MCTP2: variants seen among roughly 807,000 people sequenced by gnomAD.
The protein encoded by MCTP2 is multiple C2 and transmembrane domain-containing protein 2.
Under a neutral mutation model 111.6 loss-of-function variants are expected in MCTP2, and 132 were observed. The ratio of observed to expected loss-of-function variants is 1.18; its 90% CI spans 1.03 to 1.37. The LOEUF (loss-of-function observed/expected upper bound fraction) is 1.37, where lower values mean the gene tolerates loss of function less well. Among genes scored for constraint, MCTP2 ranks in the 40% most tolerant of loss-of-function variants. The pLI, the probability that MCTP2 is intolerant of heterozygous loss-of-function variation, is 0.00. For missense variants in MCTP2, 1,183 were observed against 1,067.9 expected, an observed-to-expected ratio of 1.11 and a Z score of -1.50; for synonymous variants, 395 against 387.7, an observed-to-expected ratio of 1.02 and a Z score of -0.22.
intron 2 of MCTP2, among the ~76,000 whole-genome samples, chr15:94,305,780 G>C (rs918815631): frequency 7.9e-5 from 12 of 152,178 alleles, no homozygotes; most frequent in African/African-American, 2.7e-4. Context: ...TACGTGGGTA[G>C]GGCCCTAAAG....
chr15:94,359,174 A>G (rs566742966), intron 10 of MCTP2, among the ~76,000 whole-genome samples: 2 of 152,312 alleles, frequency 1.3e-5, no homozygotes, highest in South Asian at 4.1e-4. Flanking sequence ...GAAATGAGGC[A>G]GCATAGGTGC....
chr15:94,243,306 CATACGTATGCGT>C (rs1567250856), intron 1 of MCTP2, among the ~76,000 whole-genome samples: 1,147 of 109,776 alleles, frequency 0.01, 32 homozygotes, highest in South Asian at 0.025. Flanking sequence ...TATATACATA[CATACGTATGCGT>C]ACATACGTAT....
At chr15:94,316,273 G>C (rs1245816760) in intron 4 of MCTP2, among the ~76,000 whole-genome samples, 1 of 151,862 alleles carries the variant, frequency 6.6e-6, no homozygotes, top group East Asian at 1.9e-4. Flanking sequence ...ATAATGTTTT[G>C]TTTATCTATT....
chr15:94,337,337 G>T (rs1430925749), intron 4 of MCTP2, among the ~76,000 whole-genome samples: 1 of 152,096 alleles, frequency 6.6e-6, no homozygotes, highest in Non-Finnish European at 1.5e-5. Context: ...CAAGATGCCT[G>T]GGGATTACCC....
chr15:94,367,293 TTTTC>T (rs1164766109), intron 10 of MCTP2, among the ~76,000 whole-genome samples: 1 of 152,152 alleles, frequency 6.6e-6, no homozygotes, highest in Non-Finnish European at 1.5e-5. Context: ...CTTTCAAACT[TTTTC>T]TTTCTAATTT....
chr15:94,278,972 C>T (rs963497193), intron 1 of MCTP2, among the ~76,000 whole-genome samples: 1 of 152,122 alleles, frequency 6.6e-6, no homozygotes, highest in South Asian at 2.1e-4. Context: ...TTCCATTGGT[C>T]TGTGTGTCTG....
chr15:94,289,279 G>A (rs568871561), intron 1 of MCTP2, among the ~76,000 whole-genome samples: 3 of 152,344 alleles, frequency 2.0e-5, no homozygotes, highest in African/African-American at 7.2e-5. Context: ...TCAAATGGCT[G>A]AGATTTCTCA....
intron 14 of MCTP2, among the ~76,000 whole-genome samples, chr15:94,397,686 A>G (rs1260595454): frequency 6.6e-6 from 1 of 152,176 alleles, no homozygotes; most frequent in Non-Finnish European, 1.5e-5. Context: ...TCCCTTGTAA[A>G]GTGGAATTGC....
intron 17 of MCTP2, chr15:94,402,702 A>G: frequency 1.4e-6 from 2 of 1,463,734 alleles, no homozygotes; most frequent in Non-Finnish European, 1.8e-6. Flanking sequence ...TCTCATTTGT[A>G]AAGGGACTTG....
At chr15:94,346,063 A>G (rs936432801) in intron 8 of MCTP2, among the ~76,000 whole-genome samples, 6 of 152,120 alleles carry the variant, frequency 3.9e-5, no homozygotes, top group African/African-American at 1.4e-4. Flanking sequence ...ATTTCTCTAC[A>G]TAATAAGGAG....
At chr15:94,250,666 G>A (rs566547572) in intron 1 of MCTP2, among the ~76,000 whole-genome samples, 2 of 152,250 alleles carry the variant, frequency 1.3e-5, no homozygotes, top group East Asian at 3.9e-4. Flanking sequence ...GAAATGACAT[G>A]AGCTGTGCAA....
chr15:94,251,250 G>A (rs551944262), intron 1 of MCTP2, among the ~76,000 whole-genome samples: 19 of 152,234 alleles, frequency 1.2e-4, no homozygotes, highest in African/African-American at 3.1e-4. Flanking sequence ...TCCTTAAAAT[G>A]TGTCAGTTTC....
intron 15 of MCTP2, 121 bp downstream of exon 15, chr15:94,399,183 A>T (rs1192748063): frequency 1.6e-6 from 1 of 623,774 alleles, no homozygotes; most frequent in Non-Finnish European, 2.9e-6. Context: ...GAGAGGAAAG[A>T]ATAGTGTTTT....
chr15:94,388,321 G>A (rs1280253659), intron 14 of MCTP2, among the ~76,000 whole-genome samples: 1 of 152,180 alleles, frequency 6.6e-6, no homozygotes. Context: ...TTCGGCTGCT[G>A]CTGTTCACTC....
chr15:94,434,839 C>CTCTT (rs763899239), intron 17 of MCTP2, among the ~76,000 whole-genome samples: 45 of 149,068 alleles, frequency 3.0e-4, no homozygotes, highest in East Asian at 3.9e-4. Flanking sequence ...TTTGCATTTT[C>CTCTT]TCTTTCTTTC....
intron 2 of MCTP2, among the ~76,000 whole-genome samples, chr15:94,303,530 G>C (rs294547): frequency 6.6e-6 from 1 of 151,784 alleles, no homozygotes; most frequent in Non-Finnish European, 1.5e-5. Context: ...TATATCCTTC[G>C]GTCTAATCAA....
At chr15:94,449,008 C>G (rs1470724464) in intron 19 of MCTP2, among the ~76,000 whole-genome samples, 1 of 152,140 alleles carries the variant, frequency 6.6e-6, no homozygotes, top group Non-Finnish European at 1.5e-5. Context: ...CCACTGAATT[C>G]CAGCCTGGCG....
Position 94,356,293 on chromosome 15 carries a change from A to G in MCTP2, c.1162A>G (p.Lys388Glu), listed in dbSNP as rs1159832004. 10 of 1,603,416 alleles carry G rather than the reference A, an allele frequency of 6.2e-6. No homozygotes were observed. The East Asian group carries it at 2.0e-4, about 32-fold the overall frequency. ...GTTAAAACTGGGAGATCAGAGGTAT[A>G]AAAGTAAGGTAAGTTCCATCTTTTC... is the stretch of plus-strand genomic sequence containing the variant. ...VQLKLGDQRY[K>E]SKTLCKSANP... The change falls in exon 9 of 23, where the codon AAA becomes GAA. Residue 388 changes from lysine (K) to glutamate (E), a missense_variant. Coordinates refer to ENST00000357742, the MANE Select transcript of MCTP2 (RefSeq NM_001385001.1).
At chr15:94,290,687 G>C (rs1368023274) in intron 1 of MCTP2, among the ~76,000 whole-genome samples, 1 of 152,160 alleles carries the variant, frequency 6.6e-6, no homozygotes, top group African/African-American at 2.4e-5. Flanking sequence ...GTTATTGTAA[G>C]CTGAAAAGCA....
Sources: gnomAD v4.1 joint callset for allele counts (sites outside exome capture counted in the v4.1 genomes callset) on GRCh38, gnomAD v4.1.1 for gene constraint, MANE v1.5 for transcripts, NCBI Gene and HGNC (gene_info 2026-07-23, HGNC 2026-07-21) for gene names.